PDHX: variants seen among roughly 807,000 people sequenced by gnomAD.
PDHX encodes the protein pyruvate dehydrogenase protein X component, mitochondrial.
PDHX carries 33 observed loss-of-function variants against 55.3 expected under a neutral mutation model. The ratio of observed to expected loss-of-function variants is 0.60; its 90% confidence interval spans 0.45 to 0.80. PDHX has a LOEUF of 0.80. Among genes scored for constraint, PDHX ranks in the 30% least tolerant of loss-of-function variants. The pLI is 0.00. For missense variants in PDHX, 622 were observed against 619.9 expected (o/e 1.00, Z -0.04); for synonymous variants, 226 against 219.4 (o/e 1.03, Z -0.27).
Position 34,928,458 on chromosome 11 carries a change from C to T in PDHX, c.161-2946C>T, listed in dbSNP as rs181778684. 2.0e-5 allele frequency among the ~76,000 whole-genome samples: 3 copies of T among 149,882 alleles called. No individual in the cohort carries two copies. The East Asian group carries it at 5.8e-4, about 29-fold the overall frequency. ...AAAGATAAGAGTTTTTTTTTGCCCACCCCCCTCCTTTTTTTTTTTTTTCCC... is the reference window on the plus strand; with the variant it reads ...AAAGATAAGAGTTTTTTTTTGCCCATCCCCCTCCTTTTTTTTTTTTTTCCC... On this transcript the variant is annotated intron_variant, in intron 1 of 10. Coordinates refer to ENST00000227868, the MANE Select transcript of PDHX (RefSeq NM_003477.3).
chr11:34,949,657 T>C (rs1854708487), intron 3 of PDHX, among the ~76,000 whole-genome samples: 1 of 152,224 alleles, frequency 6.6e-6, no homozygotes, highest in Non-Finnish European at 1.5e-5. Flanking sequence ...AAATGATAAA[T>C]TAATAAAGTA....
At chr11:34,930,800 T>C (rs776435341) in intron 1 of PDHX, among the ~76,000 whole-genome samples, 2 of 152,218 alleles carry the variant, frequency 1.3e-5, no homozygotes, top group Non-Finnish European at 2.9e-5. Context: ...TGCAACAAAA[T>C]GTGAGGTTAA....
chr11:34,982,818 A>T (rs537566476), intron 8 of PDHX, among the ~76,000 whole-genome samples: 109 of 152,318 alleles, frequency 7.2e-4, no homozygotes, highest in African/African-American at 2.6e-3. Context: ...GACCAGATGG[A>T]TTCACAGCCG....
chr11:34,927,605 A>C (rs1417063364), intron 1 of PDHX, among the ~76,000 whole-genome samples: 2 of 152,100 alleles, frequency 1.3e-5, no homozygotes, highest in African/African-American at 4.8e-5. Context: ...TCCCATCAGA[A>C]AAATACGTCT....
chr11:34,973,272 G>A (rs1256980570), intron 7 of PDHX, among the ~76,000 whole-genome samples: 2 of 152,062 alleles, frequency 1.3e-5, no homozygotes, highest in Non-Finnish European at 2.9e-5. Flanking sequence ...TGTTTCTATA[G>A]TATATCTTTT....
At chr11:34,969,779 G>T (rs535833550) in intron 6 of PDHX, among the ~76,000 whole-genome samples, 1 of 151,982 alleles carries the variant, frequency 6.6e-6, no homozygotes, top group South Asian at 2.1e-4. Flanking sequence ...TGTGTGTGTG[G>T]TATGTGTGTG....
intron 7 of PDHX, among the ~76,000 whole-genome samples, chr11:34,971,183 A>G (rs1855250759): frequency 6.6e-6 from 1 of 152,156 alleles, no homozygotes; most frequent in Admixed American, 6.5e-5. Flanking sequence ...AGATTATTAA[A>G]TTTGTAATAT....
intron 10 of PDHX, among the ~76,000 whole-genome samples, chr11:34,994,315 T>C (rs1855815338): frequency 6.6e-6 from 1 of 152,160 alleles, no homozygotes; most frequent in South Asian, 2.1e-4. Flanking sequence ...TCTAAACATA[T>C]CTAAGCATTT....
intron 8 of PDHX, among the ~76,000 whole-genome samples, chr11:34,979,400 C>T (rs1855456077): frequency 6.6e-6 from 1 of 152,040 alleles, no homozygotes; most frequent in Admixed American, 6.6e-5. Context: ...TGCCTTCCTG[C>T]CTGGCACTAT....
chr11:34,965,332 C>T (rs1565162877), intron 5 of PDHX, among the ~76,000 whole-genome samples: 1 of 152,178 alleles, frequency 6.6e-6, no homozygotes, highest in Non-Finnish European at 1.5e-5. Context: ...CAGGGCCTTG[C>T]CATGCGTGGT....
At chr11:34,950,711 T>A (rs2133965899) in intron 3 of PDHX, among the ~76,000 whole-genome samples, 1 of 150,918 alleles carries the variant, frequency 6.6e-6, no homozygotes, top group African/African-American at 2.4e-5. Context: ...GAACTCATCA[T>A]TTTTTATGGC....
rs1269529266 is a variant in PDHX, at chr11:34,947,584, A to T, written c.320A>T (p.Asp107Val). 1 of 1,611,594 alleles carries T rather than the reference A, an allele frequency of 6.2e-7. No homozygotes were observed. Among genetic ancestry groups the T allele is most frequent in the Admixed American group, 1.7e-5 (1 of 60,016 alleles). Residue 107 changes from aspartate to valine, a missense_variant, in exon 3 of 11, where the codon GAT becomes GTT. Physicochemically the swap from Asp to Val is radical, Grantham distance 152 (BLOSUM62 -3). Coordinates refer to ENST00000227868, the MANE Select transcript of PDHX (RefSeq NM_003477.3). ...GTGGTTACCTTAGATGCAAGTGATGATGGAATCTTGGCCAAAATCGTGGTA... is the reference window on the plus strand; with the variant it reads ...GTGGTTACCTTAGATGCAAGTGATGTTGGAATCTTGGCCAAAATCGTGGTA... ...KAVVTLDASD[D>V]GILAKIVVEE... is the part of the protein sequence containing the mutation.
intron 2 of PDHX, among the ~76,000 whole-genome samples, chr11:34,940,003 G>C (rs1854434353): frequency 6.6e-6 from 1 of 151,944 alleles, no homozygotes. Context: ...ACTGCACCTA[G>C]TTTATTTTTT....
intron 2 of PDHX, among the ~76,000 whole-genome samples, chr11:34,940,764 T>C (rs1854454295): frequency 6.6e-6 from 1 of 152,226 alleles, no homozygotes; most frequent in Non-Finnish European, 1.5e-5. Context: ...TTTTTGTCTC[T>C]AAAGTTTTGC....
At chr11:34,931,270 A>G in intron 1 of PDHX, 134 bp from the exon 2 acceptor site, 1 of 661,706 alleles carries the variant, frequency 1.5e-6, no homozygotes, top group Non-Finnish European at 2.8e-6. Context: ...TTAGTTTACC[A>G]GTTGGGAATC....
intron 2 of PDHX, among the ~76,000 whole-genome samples, chr11:34,946,478 T>C (rs137938861): frequency 6.6e-6 from 1 of 152,344 alleles, no homozygotes; most frequent in East Asian, 1.9e-4. Context: ...CTCAGAACTT[T>C]CTTGTGCAAT....
intron 9 of PDHX, among the ~76,000 whole-genome samples, chr11:34,985,216 G>A (rs1023788572): frequency 6.6e-6 from 1 of 152,202 alleles, no homozygotes; most frequent in African/African-American, 2.4e-5. Context: ...GCCGAGGTGG[G>A]TGGATCCCGA....
intron 1 of PDHX, among the ~76,000 whole-genome samples, chr11:34,924,907 A>T (rs1005800480): frequency 6.6e-6 from 1 of 151,976 alleles, no homozygotes; most frequent in African/African-American, 2.4e-5. Context: ...TTTTCTGTGG[A>T]TGACTGCCGG....
chr11:34,937,464 C>T (rs1203899189), intron 2 of PDHX, among the ~76,000 whole-genome samples: 4 of 114,062 alleles, frequency 3.5e-5, no homozygotes, highest in African/African-American at 1.0e-4. Context: ...TTTTTGGTGG[C>T]GGGGTGGGTG....
Sources: gnomAD v4.1 joint callset for allele counts (sites outside exome capture counted in the v4.1 genomes callset) on GRCh38, gnomAD v4.1.1 for gene constraint, MANE v1.5 for transcripts, NCBI Gene and HGNC (gene_info 2026-07-23, HGNC 2026-07-21) for gene names.